Variants in NKD1 observed in about 807,000 individuals in gnomAD.
NKD1 encodes the protein NKD inhibitor of Wnt signaling pathway 1.
Under a neutral mutation model 56.0 loss-of-function variants are expected in NKD1, and 21 were observed. The observed-to-expected ratio is 0.38, with a 90% CI of 0.27 to 0.54. NKD1 has a LOEUF of 0.54. Ranked by LOEUF, NKD1 falls within the 20% of genes least tolerant of loss-of-function variation. NKD1 has a pLI of 0.82. For missense variants in NKD1, 578 were observed against 642.7 expected (o/e 0.90, Z 1.09); for synonymous variants, 263 against 265.7 (o/e 0.99, Z 0.10).
intron 3 of NKD1, among the ~76,000 whole-genome samples, chr16:50,586,099 C>A (rs937498878): frequency 8.5e-5 from 13 of 152,072 alleles, no homozygotes; most frequent in African/African-American, 3.1e-4. Flanking sequence ...AAAGTTTGAC[C>A]CCGGTGGTCA....
At chr16:50,558,070 G>T (rs1294165770) in intron 3 of NKD1, 5 of 152,226 alleles carry the variant, frequency 3.3e-5, no homozygotes, top group Non-Finnish European at 7.3e-5. Context: ...CTGCCATGTG[G>T]GAATATGGCC....
At chr16:50,575,985 C>T (rs1337323786) in intron 3 of NKD1, among the ~76,000 whole-genome samples, 1 of 152,190 alleles carries the variant, frequency 6.6e-6, no homozygotes, top group African/African-American at 2.4e-5. Context: ...GTGACCTTGG[C>T]CCCAAATGTA....
At chr16:50,606,736 C>T (rs552377151) in intron 3 of NKD1, 56 of 448,538 alleles carry the variant, frequency 1.2e-4, no homozygotes, top group African/African-American at 9.8e-4. Flanking sequence ...GGCGCAGAGC[C>T]CCGCTCTGCA....
intron 3 of NKD1, among the ~76,000 whole-genome samples, chr16:50,600,038 C>G (rs1339692335): frequency 6.6e-6 from 1 of 151,998 alleles, no homozygotes; most frequent in Admixed American, 6.6e-5. Context: ...GGTGTCTCTC[C>G]CCCACCCACC....
chr16:50,605,346 A>G (rs973159011), intron 3 of NKD1, among the ~76,000 whole-genome samples: 1 of 152,248 alleles, frequency 6.6e-6, no homozygotes, highest in South Asian at 2.1e-4. Flanking sequence ...AATAACAGTA[A>G]TGATTATACC....
At chr16:50,588,429 G>A (rs1372988870) in intron 3 of NKD1, among the ~76,000 whole-genome samples, 1 of 152,088 alleles carries the variant, frequency 6.6e-6, no homozygotes. Context: ...TTTTGCCATT[G>A]TTTCTGCATC....
Position 50,642,835 on chromosome 16 carries a change from A to G in NKD1, c.*9054A>G, listed in dbSNP as rs1344594019. 6.6e-6 allele frequency: 1 copy of G among 152,208 alleles called. No individual in the cohort carries two copies. The highest frequency in any genetic ancestry group is 1.9e-4 in the East Asian group (1 of 5,190). 9.4% of individuals were successfully genotyped at this position (152,208 alleles called of 1,614,324 possible). On this transcript the variant is annotated 3_prime_UTR_variant, in exon 10 of 10. Transcript: ENST00000268459. ...GCATGCTGCCTCTGCTACACACTCA[A>G]AAAACACTTGAGGACATGACTTTTC... is the stretch of plus-strand genomic sequence containing the variant.
chr16:50,612,748 C>G (rs1363904606), intron 4 of NKD1, among the ~76,000 whole-genome samples: 1 of 152,054 alleles, frequency 6.6e-6, no homozygotes, highest in Admixed American at 6.6e-5. Context: ...TGGGGAAGAA[C>G]AAAAAGGAGG....
intron 3 of NKD1, among the ~76,000 whole-genome samples, chr16:50,587,527 T>G (rs530863508): frequency 1.3e-5 from 2 of 152,364 alleles, no homozygotes; most frequent in East Asian, 3.9e-4. Context: ...CTTCTATGTC[T>G]GACATGGAAA....
intron 3 of NKD1, among the ~76,000 whole-genome samples, chr16:50,601,377 G>A (rs778123951): frequency 4.8e-4 from 73 of 152,214 alleles, no homozygotes; most frequent in Non-Finnish European, 5.9e-4. Flanking sequence ...CCGTCCCATC[G>A]GTAGGAAGGG....
At chr16:50,625,848 G>GA (rs36121885) in intron 6 of NKD1, among the ~76,000 whole-genome samples, 92,188 of 152,110 alleles carry the variant, frequency 0.61, 28,735 homozygotes, top group Non-Finnish European at 0.68. Context: ...AGTTGGGGGG[G>GA]GCAGGTGCAG....
chr16:50,554,486 C>G (rs1567332692), intron 3 of NKD1, among the ~76,000 whole-genome samples: 1 of 152,156 alleles, frequency 6.6e-6, no homozygotes, highest in Non-Finnish European at 1.5e-5. Flanking sequence ...GCTCCTCTTC[C>G]CTGGTCAGCT....
At chr16:50,561,454 A>G (rs1226333887) in intron 3 of NKD1, among the ~76,000 whole-genome samples, 1 of 151,760 alleles carries the variant, frequency 6.6e-6, no homozygotes, top group African/African-American at 2.4e-5. Flanking sequence ...GCTTAAGAGT[A>G]TGCACTTTGG....
intron 4 of NKD1, among the ~76,000 whole-genome samples, chr16:50,609,125 A>G (rs1961785277): frequency 6.6e-6 from 1 of 152,208 alleles, no homozygotes; most frequent in South Asian, 2.1e-4. Flanking sequence ...GCACCTGGCC[A>G]CTGCTTGCTT....
intron 3 of NKD1, among the ~76,000 whole-genome samples, chr16:50,592,005 G>A (rs551766460): frequency 4.1e-4 from 63 of 152,228 alleles, no homozygotes; most frequent in Non-Finnish European, 8.2e-4. Context: ...GGATGTGATG[G>A]CCTTGGTCTC....
intron 3 of NKD1, among the ~76,000 whole-genome samples, chr16:50,593,414 A>G (rs1400931412): frequency 6.6e-6 from 1 of 152,126 alleles, no homozygotes; most frequent in East Asian, 1.9e-4. Context: ...TTTCCTGGGT[A>G]TTAGCTTTTT....
chr16:50,602,488 G>A (rs1055506951), intron 3 of NKD1, among the ~76,000 whole-genome samples: 1 of 152,118 alleles, frequency 6.6e-6, no homozygotes, highest in Non-Finnish European at 1.5e-5. Context: ...TTGTAAAGTG[G>A]GTTATTATCT....
intron 3 of NKD1, among the ~76,000 whole-genome samples, chr16:50,579,246 C>G (rs960313613): frequency 2.0e-5 from 3 of 149,726 alleles, no homozygotes; most frequent in African/African-American, 7.4e-5. Context: ...CTTACTCCTG[C>G]GGGCTACCCG....
intron 3 of NKD1, among the ~76,000 whole-genome samples, chr16:50,596,157 G>T (rs1017633334): frequency 6.6e-6 from 1 of 152,174 alleles, no homozygotes; most frequent in African/African-American, 2.4e-5. Context: ...CCTCTTTGTG[G>T]CCTGGGTGCA....
Sources: allele counts gnomAD v4.1 joint callset (sites outside exome capture counted in the v4.1 genomes callset), GRCh38; gene constraint gnomAD v4.1.1; transcripts MANE v1.5; gene names NCBI Gene and HGNC (gene_info 2026-07-23, HGNC 2026-07-21).